The following SOX5 variants were observed in gnomAD, a reference collection of about 807,000 sequenced individuals.
SOX5 encodes the protein SRY-box transcription factor 5, also known as transcription factor SOX-5.
In SOX5, 9 loss-of-function variants were observed where a neutral mutation model predicts 92.0. The observed-to-expected ratio is 0.10, with a 90% CI of 0.06 to 0.17. The LOEUF is 0.17. Among genes scored for constraint, SOX5 ranks in the 10% least tolerant of loss-of-function variants. SOX5 has a pLI of 1.00. For missense variants in SOX5, 642 were observed against 944.5 expected (o/e 0.68, Z 4.20); for synonymous variants, 344 against 336.3 (o/e 1.02, Z -0.25).
intron 4 of SOX5, among the ~76,000 whole-genome samples, chr12:23,992,016 T>C (rs1950603347): frequency 6.6e-6 from 1 of 152,090 alleles, no homozygotes; most frequent in African/African-American, 2.4e-5. Flanking sequence ...CCCTCATACA[T>C]CTTTCATCAT....
At chr12:23,866,720 G>A (rs928241020) in intron 2 of SOX5, among the ~76,000 whole-genome samples, 4 of 152,066 alleles carry the variant, frequency 2.6e-5, no homozygotes, top group Non-Finnish European at 5.9e-5. Context: ...ATGGCCTACC[G>A]TCTACTGGTT....
chr12:23,772,978 T>C (rs1567644896), intron 3 of SOX5, among the ~76,000 whole-genome samples: 1 of 152,158 alleles, frequency 6.6e-6, no homozygotes, highest in Admixed American at 6.5e-5. Context: ...TTACTAATAA[T>C]ATCAGTCTTC....
At chr12:23,750,474 T>A (rs1321229891) in intron 4 of SOX5, among the ~76,000 whole-genome samples, 1 of 151,932 alleles carries the variant, frequency 6.6e-6, no homozygotes, top group Non-Finnish European at 1.5e-5. Flanking sequence ...CATGCTTTCC[T>A]AGTAAATTTT....
intron 4 of SOX5, among the ~76,000 whole-genome samples, chr12:24,014,723 G>A (rs982150693): frequency 1.3e-5 from 2 of 152,144 alleles, no homozygotes; most frequent in Non-Finnish European, 2.9e-5. Context: ...AAGTTGCAGA[G>A]ACAAAAACTG....
At chr12:24,209,403 T>C (rs953045486) in intron 4 of SOX5, among the ~76,000 whole-genome samples, 10 of 152,198 alleles carry the variant, frequency 6.6e-5, no homozygotes, top group African/African-American at 2.4e-5. Context: ...CTTATTCTTA[T>C]GACTGAAAAG....
intron 6 of SOX5, among the ~76,000 whole-genome samples, chr12:23,716,524 CTCTT>C (rs1485767084): frequency 2.6e-5 from 4 of 152,138 alleles, no homozygotes; most frequent in African/African-American, 9.7e-5. Flanking sequence ...TTCTCTCTGG[CTCTT>C]TCTTCTTGGG....
chr12:24,164,301 T>A (rs1266909035), intron 4 of SOX5, among the ~76,000 whole-genome samples: 1 of 152,110 alleles, frequency 6.6e-6, no homozygotes, highest in Non-Finnish European at 1.5e-5. Context: ...GTTAAAGCTT[T>A]CTTCCTTAAA....
At chr12:24,343,804 G>C (rs1429539646) in intron 2 of SOX5, among the ~76,000 whole-genome samples, 1 of 152,154 alleles carries the variant, frequency 6.6e-6, no homozygotes, top group Non-Finnish European at 1.5e-5. Context: ...CAAGGCAGAA[G>C]TAGGAAGTGA....
intron 6 of SOX5, among the ~76,000 whole-genome samples, chr12:23,713,107 A>G (rs1386512746): frequency 1.3e-5 from 2 of 152,174 alleles, no homozygotes; most frequent in Non-Finnish European, 2.9e-5. Flanking sequence ...CTTATAAGAG[A>G]ATGGAGAAGC....
At chr12:24,039,898 G>A (rs1416416243) in intron 4 of SOX5, among the ~76,000 whole-genome samples, 1 of 152,160 alleles carries the variant, frequency 6.6e-6, no homozygotes, top group African/African-American at 2.4e-5. Flanking sequence ...CTGTCGGAAG[G>A]TAAACTATGC....
rs549559743 is a variant in SOX5, at chr12:23,911,126, CA to C, written c.39-15103del. Among the ~76,000 whole-genome samples the C allele has an allele frequency of 2.7e-3, 413 of 150,868 alleles. 4 individuals carry two copies. Among genetic ancestry groups the C allele is most frequent in the African/African-American group, 3.9e-3 (159 of 41,244 alleles). ...ACAGAAGTGAAATACAGAAGAAAAA[CA>C]AAAAAAAATTCCATTGCAAAAGGGA... On this transcript the variant is annotated intron_variant, in intron 1 of 14. Transcript: ENST00000451604.
At chr12:23,615,130 C>T (rs2076400512) in intron 8 of SOX5, among the ~76,000 whole-genome samples, 1 of 152,050 alleles carries the variant, frequency 6.6e-6, no homozygotes, top group South Asian at 2.1e-4. Context: ...TTGGTATTGT[C>T]TTTTTAATTA....
intron 3 of SOX5, among the ~76,000 whole-genome samples, chr12:24,231,386 G>A (rs1308545967): frequency 9.9e-5 from 15 of 152,064 alleles, no homozygotes; most frequent in Admixed American, 7.2e-4. Context: ...TAATATGAAC[G>A]GTTTAGATTT....
At chr12:24,415,653 C>T (rs187429226) in intron 1 of SOX5, among the ~76,000 whole-genome samples, 1 of 152,256 alleles carries the variant, frequency 6.6e-6, no homozygotes, top group Admixed American at 6.5e-5. Flanking sequence ...AACATTCAAG[C>T]CCCCTCTATA....
In SOX5 at chr12:23,924,830, A is replaced by T. The variant is rs145545427; in HGVS notation, c.38+24734T>A. Among the ~76,000 whole-genome samples the T allele has an allele frequency of 7.4e-3, 1,121 of 152,188 alleles. 11 individuals carry two copies. The highest frequency in any genetic ancestry group is 0.026 in the African/African-American group (1,075 of 41,538). ...GGTCAGTATTTTTAACTGAAAAAAAAAGTTTGGTTAAGCTCATATGATTAA... is the reference window on the plus strand; with the variant it reads ...GGTCAGTATTTTTAACTGAAAAAAATAGTTTGGTTAAGCTCATATGATTAA... On this transcript the variant is annotated intron_variant, in intron 1 of 14. Transcript: ENST00000451604.
intron 3 of SOX5, among the ~76,000 whole-genome samples, chr12:23,813,672 C>T (rs1352655515): frequency 6.6e-6 from 1 of 152,010 alleles, no homozygotes; most frequent in African/African-American, 2.4e-5. Context: ...ACTGTCATTC[C>T]TCATCCGTGT....
intron 5 of SOX5, 94 bp from the exon 6 acceptor site, chr12:23,734,846 T>A: frequency 1.1e-6 from 1 of 872,676 alleles, no homozygotes; most frequent in Non-Finnish European, 1.9e-6. Flanking sequence ...GATTTGACAC[T>A]GATTAAGATG....
chr12:24,026,101 A>G (rs1407314561), intron 4 of SOX5, among the ~76,000 whole-genome samples: 6 of 152,064 alleles, frequency 3.9e-5, no homozygotes, highest in Non-Finnish European at 8.8e-5. Context: ...AAAATACCTC[A>G]TGATGCTTAA....
At chr12:24,284,013 G>C (rs950869656) in intron 2 of SOX5, among the ~76,000 whole-genome samples, 2 of 152,216 alleles carry the variant, frequency 1.3e-5, no homozygotes, top group Non-Finnish European at 2.9e-5. Flanking sequence ...AAAAAGTGTG[G>C]TTGGGTTAAA....
Sources: allele counts gnomAD v4.1 joint callset (sites outside exome capture counted in the v4.1 genomes callset), GRCh38; gene constraint gnomAD v4.1.1; transcripts MANE v1.5; gene names NCBI Gene and HGNC (gene_info 2026-07-23, HGNC 2026-07-21).